Variants in VTI1A observed in about 807,000 individuals in gnomAD.
The protein encoded by VTI1A is vesicle transport through interaction with t-SNAREs homolog 1A.
VTI1A carries 22 observed loss-of-function variants against 34.9 expected under a neutral mutation model. That is an observed-to-expected ratio of 0.63 (90% CI 0.45 to 0.90). The LOEUF is 0.90. VTI1A is among the 40% of genes least tolerant of loss of function. The pLI is 0.00. For missense variants in VTI1A, 268 were observed against 275.6 expected (o/e 0.97, Z 0.20); for synonymous variants, 87 against 97.3 (o/e 0.89, Z 0.62).
chr10:112,729,933 C>T lies in VTI1A; in HGVS notation c.560+60935C>T, dbSNP rs74327027. ...TGTGCGTAGCAAACCTGATACTCCC[C>T]AGAAAGTTCCACAGCCAAAGGCTGG... On this transcript the variant is annotated intron_variant, in intron 7 of 7. Transcript: ENST00000393077. Among the ~76,000 whole-genome samples, 160 of 152,330 alleles carry T rather than the reference C, an allele frequency of 1.1e-3. 2 individuals are homozygous for T. In the East Asian group the frequency reaches 0.025, roughly 23 times the overall value.
At chr10:112,842,603 T>C in the VTI1A span, among the ~76,000 whole-genome samples, 69 of 152,328 alleles carry the variant, frequency 4.5e-4, 1 homozygote, top group South Asian at 0.014. Flanking sequence ...AAGCTGTTTC[T>C]GTATAAAGGT....
chr10:112,707,516 T>C (rs1849242376), intron 7 of VTI1A, among the ~76,000 whole-genome samples: 1 of 152,114 alleles, frequency 6.6e-6, no homozygotes, highest in Non-Finnish European at 1.5e-5. Flanking sequence ...GTATTTTTAG[T>C]AGAGACAGGG....
intron 4 of VTI1A, among the ~76,000 whole-genome samples, chr10:112,530,457 TA>T (rs1850378033): frequency 6.6e-6 from 1 of 152,150 alleles, no homozygotes; most frequent in South Asian, 2.1e-4. Context: ...ACTTATAGAA[TA>T]AAATCATAAA....
chr10:112,584,563 C>A (rs1413382374), intron 5 of VTI1A, among the ~76,000 whole-genome samples: 1 of 152,194 alleles, frequency 6.6e-6, no homozygotes, highest in African/African-American at 2.4e-5. Context: ...CCATTGGAAG[C>A]AGCAGCTTCC....
At chr10:112,635,806 G>A (rs1210577620) in intron 5 of VTI1A, among the ~76,000 whole-genome samples, 1 of 152,164 alleles carries the variant, frequency 6.6e-6, no homozygotes, top group African/African-American at 2.4e-5. Flanking sequence ...CACTTGATTC[G>A]CCCACATTTA....
intron 1 of VTI1A, 83 bp from the exon 2 acceptor site, chr10:112,460,441 A>G: frequency 1.6e-6 from 2 of 1,241,350 alleles, no homozygotes; most frequent in Admixed American, 4.9e-5. Context: ...CCAGAAAGGA[A>G]AAAGGCATAT....
chr10:112,815,923 G>A lies in VTI1A; in HGVS notation c.*540G>A, dbSNP rs1853508738. ...CCTGAGTGCTTTCATTGTAAAGGTC[G>A]GTATTTAATGTCGGTTGTACAGGAA... is the stretch of plus-strand genomic sequence containing the variant. On this transcript the variant is annotated 3_prime_UTR_variant, in exon 8 of 8. Coordinates refer to ENST00000393077, the MANE Select transcript of VTI1A (RefSeq NM_145206.4). 1.3e-5 allele frequency: 3 copies of A among 231,250 alleles called. No individual in the cohort carries two copies. Among genetic ancestry groups the A allele is most frequent in the South Asian group, 1.8e-4 (1 of 5,520 alleles). 14.3% of individuals were successfully genotyped at this position (231,250 alleles called of 1,614,324 possible). A position where few individuals can be genotyped will look rare whatever the true frequency, so the allele number is the denominator to read the frequency against.
chr10:112,475,797 G>A (rs559417115), intron 3 of VTI1A, among the ~76,000 whole-genome samples: 4 of 152,190 alleles, frequency 2.6e-5, no homozygotes, highest in Admixed American at 6.5e-5. Flanking sequence ...TTGTTAGATG[G>A]CACTAGATGG....
intron 1 of VTI1A, among the ~76,000 whole-genome samples, chr10:112,451,142 C>G (rs1265173885): frequency 6.6e-6 from 1 of 152,190 alleles, no homozygotes. Flanking sequence ...GACATCAGAT[C>G]TGTTTAGAAC....
chr10:112,814,429 ACT>A (rs771109912), intron 7 of VTI1A, among the ~76,000 whole-genome samples: 5 of 151,902 alleles, frequency 3.3e-5, no homozygotes, highest in South Asian at 2.1e-4. Context: ...TCCCTTTGAA[ACT>A]CTCAACAAAG....
chr10:112,703,266 T>C (rs1228316700), intron 7 of VTI1A, among the ~76,000 whole-genome samples: 5 of 152,128 alleles, frequency 3.3e-5, no homozygotes. Context: ...TCAGAATGCA[T>C]GATCTTAAAA....
intron 5 of VTI1A, among the ~76,000 whole-genome samples, chr10:112,544,318 C>T (rs1319095008): frequency 1.3e-5 from 2 of 152,148 alleles, no homozygotes; most frequent in Non-Finnish European, 2.9e-5. Flanking sequence ...GCAATGTCCA[C>T]CTCCTGGTTC....
chr10:112,578,775 T>C (rs559909573), intron 5 of VTI1A, among the ~76,000 whole-genome samples: 5 of 152,340 alleles, frequency 3.3e-5, no homozygotes, highest in Non-Finnish European at 7.4e-5. Flanking sequence ...AAGATACCCA[T>C]TAGATGTATA....
At chr10:112,460,491 T>G (rs1283522286) in intron 1 of VTI1A, 33 bp from the exon 2 acceptor site, 2 of 1,567,646 alleles carry the variant, frequency 1.3e-6, no homozygotes, top group East Asian at 2.3e-5. Flanking sequence ...ATTTGTATCT[T>G]TAGCAATTTC....
intron 3 of VTI1A, among the ~76,000 whole-genome samples, chr10:112,489,730 G>A (rs752427848): frequency 1.9e-4 from 29 of 152,178 alleles, no homozygotes; most frequent in African/African-American, 4.1e-4. Flanking sequence ...TTCATATGCT[G>A]TGTCAAATAT....
At chr10:112,459,035 G>A (rs1847640680) in intron 1 of VTI1A, among the ~76,000 whole-genome samples, 2 of 152,134 alleles carry the variant, frequency 1.3e-5, no homozygotes, top group South Asian at 2.1e-4. Context: ...CTGGTCAGCT[G>A]GTAGGTGTTG....
At chr10:112,531,832 T>C (rs996925831) in intron 4 of VTI1A, among the ~76,000 whole-genome samples, 2 of 152,168 alleles carry the variant, frequency 1.3e-5, no homozygotes, top group Non-Finnish European at 2.9e-5. Flanking sequence ...TCTCCCATGA[T>C]GTTGGGATAG....
intron 7 of VTI1A, among the ~76,000 whole-genome samples, chr10:112,795,297 C>T (rs1305234570): frequency 6.6e-6 from 1 of 152,112 alleles, no homozygotes; most frequent in Non-Finnish European, 1.5e-5. Flanking sequence ...ACATTGACAC[C>T]TTTGCCATAG....
chr10:112,522,124 TG>T (rs1850048142), intron 3 of VTI1A, among the ~76,000 whole-genome samples: 1 of 152,130 alleles, frequency 6.6e-6, no homozygotes, highest in African/African-American at 2.4e-5. Flanking sequence ...CATGGTTTTC[TG>T]TAGATATCCC....
Sources: gnomAD v4.1 joint callset for allele counts (sites outside exome capture counted in the v4.1 genomes callset) on GRCh38, gnomAD v4.1.1 for gene constraint, MANE v1.5 for transcripts, NCBI Gene and HGNC (gene_info 2026-07-23, HGNC 2026-07-21) for gene names.